The following PKD1L3 variants were observed in gnomAD, a reference collection of about 807,000 sequenced individuals.
The protein encoded by PKD1L3 is polycystin 1 like 3, transient receptor potential channel interacting.
Under a neutral mutation model 184.1 loss-of-function variants are expected in PKD1L3, and 239 were observed. The ratio of observed to expected loss-of-function variants is 1.30; its 90% CI spans 1.17 to 1.45. PKD1L3 has a LOEUF of 1.45. PKD1L3 is among the 40% of genes most tolerant of loss of function. The probability of loss-of-function intolerance (pLI) is 0.00; values close to 1 mark genes in which losing one functional copy is unlikely to be tolerated. For synonymous variants in PKD1L3, 996 were observed against 778.8 expected, an observed-to-expected ratio of 1.28 and a Z score of -4.64; for missense variants, 2,660 against 2,067.2, an observed-to-expected ratio of 1.29 and a Z score of -5.56.
At chr16:71,999,257 C>T (rs1257108871) in intron 1 of PKD1L3, among the ~76,000 whole-genome samples, 25 of 138,940 alleles carry the variant, frequency 1.8e-4, no homozygotes, top group Admixed American at 3.3e-4. Flanking sequence ...GGCGACAGAG[C>T]GAGACTCCAT....
chr16:71,999,227 C>T (rs1018507386), intron 1 of PKD1L3, among the ~76,000 whole-genome samples: 19 of 147,518 alleles, frequency 1.3e-4, no homozygotes, highest in Non-Finnish European at 2.5e-4. Context: ...GCCAAGATGG[C>T]ACCACTGCAC....
At chr16:71,978,415 T>A (rs754915642) in intron 9 of PKD1L3, 32 bp from the exon 10 acceptor site, 1 of 1,531,406 alleles carries the variant, frequency 6.5e-7, no homozygotes. Flanking sequence ...GTTTTATCCA[T>A]TGCTGAAATA....
At position 71,949,820 on chromosome 16, in the gene PKD1L3, G is replaced by C. The variant is rs771372866; in HGVS notation, c.3581C>G (p.Ser1194Ter). ...ATSWMISIILSVLQNIFISQP... is the reference protein window; with the variant it reads ...ATSWMISIIL ...GCTGATGAAGATGTTCTGAAGCACT[G>C]ATAAAATAATTGAAATCATCCAGCT... is the stretch of plus-strand genomic sequence containing the variant. Residue 1194 changes from serine (S) to a stop codon, truncating the protein, a stop_gained, in exon 21 of 30, where the codon TCA becomes TGA. Transcript: ENST00000620267. LOFTEE classifies it high-confidence loss of function. 6 of 1,551,134 alleles carry C rather than the reference G, an allele frequency of 3.9e-6. No homozygotes were observed. In the South Asian group the frequency reaches 7.1e-5, roughly 18 times the overall value.
Position 71,967,328 on chromosome 16 carries a change from AG to A in PKD1L3, c.2287-14del, listed in dbSNP as rs776797244. 7.1e-5 allele frequency: 110 copies of A among 1,542,118 alleles called. No homozygotes were observed. The highest frequency in any genetic ancestry group is 8.9e-5 in the Non-Finnish European group (102 of 1,143,246). ...GGGTGATGACAACCTACAATGAGAC[AG>A]GGAAAGATAAAATATAAGGAATTTT... On this transcript the variant is annotated splice_polypyrimidine_tract_variant and intron_variant, in intron 14 of 29. Coordinates refer to ENST00000620267, the MANE Select transcript of PKD1L3 (RefSeq NM_181536.2).
intron 16 of PKD1L3, among the ~76,000 whole-genome samples, chr16:71,961,693 C>A (rs769730635): frequency 1.1e-4 from 17 of 152,078 alleles, no homozygotes; most frequent in Non-Finnish European, 2.2e-4. Context: ...ACAGACCCAG[C>A]CAGGATGAAA....
chr16:71,944,221 GTCAC>G, intron 22 of PKD1L3, 51 bp from the exon 23 acceptor site: 1 of 1,472,716 alleles, frequency 6.8e-7, no homozygotes. Flanking sequence ...TCATTAAGCA[GTCAC>G]TCACCATTCA....
intron 7 of PKD1L3, 111 bp from the exon 8 acceptor site, chr16:71,980,245 G>T: frequency 7.4e-7 from 1 of 1,346,766 alleles, no homozygotes; most frequent in Non-Finnish European, 1.0e-6. Flanking sequence ...TTGTAATGAA[G>T]GGTAGTATTC....
chr16:71,982,084 A>G lies in PKD1L3; in HGVS notation c.1118T>C (p.Leu373Pro). The G allele has an allele frequency of 6.5e-7, 1 of 1,549,868 alleles. No homozygotes were observed. The highest frequency in any genetic ancestry group is 1.7e-4 in the Middle Eastern group (1 of 5,976). The change falls in exon 7 of 30, where the codon CTG becomes CCG. Residue 373 changes from leucine to proline, a missense_variant. Leu to Pro is a moderately conservative substitution (Grantham distance 98). Transcript: ENST00000620267. ...NVTKAGEGSW[L>P]ESKRHTEPVE... is the part of the protein sequence containing the mutation. ...CGGCTCAGTATGACGCTTGGATTCC[A>G]GCCAACTTCCTTCTCCAGCTTTGGT... is the stretch of plus-strand genomic sequence containing the variant.
rs560835987 is a variant in PKD1L3 at position 71,970,074 on chromosome 16, T to G, written c.1985A>C (p.Gln662Pro). ...GAAGGTCAGGTGGTTACAGAGACAC[T>G]GTGTCCTCAGAATTGTGCTCTGTGG... The part of the protein sequence containing the change: ...VGPQSTILRT[Q>P]CLCNHLTFFA... Residue 662 changes from glutamine to proline, a missense_variant, in exon 13 of 30, where the codon CAG becomes CCG. Transcript: ENST00000620267. The G allele has an allele frequency of 1.9e-6, 3 of 1,551,720 alleles. No homozygotes were observed. In the East Asian group the frequency reaches 7.3e-5, roughly 38 times the overall value.
chr16:71,985,458 C>G (rs1237271070), intron 5 of PKD1L3, among the ~76,000 whole-genome samples: 1 of 152,036 alleles, frequency 6.6e-6, no homozygotes, highest in Non-Finnish European at 1.5e-5. Flanking sequence ...GTTCTGTTGC[C>G]CAGCCTACAG....
intron 12 of PKD1L3, 31 bp downstream of exon 12, chr16:71,973,293 G>A (rs369442711): frequency 2.6e-6 from 4 of 1,546,062 alleles, no homozygotes; most frequent in East Asian, 4.9e-5. Context: ...TATGGCAGAA[G>A]AGAGGCCCAA....
chr16:71,944,694 G>GTTT (rs1274386722), intron 22 of PKD1L3, among the ~76,000 whole-genome samples: 18 of 76,104 alleles, frequency 2.4e-4, no homozygotes, highest in Non-Finnish European at 3.1e-4. Context: ...GACCATATCT[G>GTTT]TTTTTTGTTT....
intron 25 of PKD1L3, among the ~76,000 whole-genome samples, chr16:71,936,580 C>T (rs1385937054): frequency 6.6e-5 from 9 of 136,498 alleles, no homozygotes; most frequent in East Asian, 2.1e-4. Context: ...AGTGCAAGGG[C>T]GCGATCTCGG....
chr16:71,973,336 G>A lies in PKD1L3; in HGVS notation c.1941C>T (p.Ser647=), dbSNP rs1355855659. Residue 647 remains serine (S), a synonymous_variant, in exon 12 of 30, where the codon AGC becomes AGT. Transcript: ENST00000620267. ...CTCAGTTTCTTACTTGGCATCCGGC[G>A]CTGCTCCATGTCTGGTTGTGGATCT... ...YWEIHNQTWS[S]AGCQVGPQST... is the part of the protein sequence containing the mutation. The A allele has an allele frequency of 4.5e-6, 7 of 1,551,588 alleles. No individual in the cohort carries two copies. Among genetic ancestry groups the A allele is most frequent in the East Asian group, 4.9e-5 (2 of 40,912 alleles).
chr16:71,993,142 T>C (rs1310475673), intron 3 of PKD1L3, 74 bp downstream of exon 3: 13 of 1,056,686 alleles, frequency 1.2e-5, no homozygotes, highest in Non-Finnish European at 1.8e-5. Flanking sequence ...TCAGCATTAA[T>C]TCAGTCTTGT....
intron 21 of PKD1L3, among the ~76,000 whole-genome samples, chr16:71,948,114 T>C (rs186501286): frequency 5.3e-5 from 8 of 152,034 alleles, no homozygotes. Flanking sequence ...CAGAGTCTTG[T>C]TCTGTTGCCC....
At chr16:71,937,767 C>G (rs1365168845) in intron 24 of PKD1L3, among the ~76,000 whole-genome samples, 1 of 152,124 alleles carries the variant, frequency 6.6e-6, no homozygotes, top group African/African-American at 2.4e-5. Flanking sequence ...CCCACGAGTA[C>G]TAACGGTATC....
rs202205397 is a variant in PKD1L3 at position 71,968,007 on chromosome 16, C to A, written c.2185G>T (p.Val729Leu). The A allele has an allele frequency of 5.2e-5, 80 of 1,550,544 alleles. 2 individuals are homozygous for A. Among genetic ancestry groups the A allele is most frequent in the Non-Finnish European group, 6.8e-5 (78 of 1,146,164 alleles). The change falls in exon 14 of 30, where the codon GTG becomes TTG. Residue 729 changes from valine (V) to leucine (L), a missense_variant and splice_region_variant. By Grantham distance (32) the Val-to-Leu change is conservative (BLOSUM62 1). Coordinates refer to ENST00000620267, the MANE Select transcript of PKD1L3 (RefSeq NM_181536.2). Reference sequence around the variant, plus strand: ...TTATCAGCCAGGACAGTGACCTTCACCTGCAAGAAAAGCAGAACCATGCAA... The same window carrying A: ...TTATCAGCCAGGACAGTGACCTTCAACTGCAAGAAAAGCAGAACCATGCAA... ...RKKDQADMQKVKVTVLADNDP... is the reference protein window; with the variant it reads ...RKKDQADMQKLKVTVLADNDP...
chr16:71,988,415 G>A (rs1247434520), intron 4 of PKD1L3, among the ~76,000 whole-genome samples: 1 of 152,156 alleles, frequency 6.6e-6, no homozygotes, highest in Non-Finnish European at 1.5e-5. Context: ...GGCTGGCCTC[G>A]AAATCCTGGC....
Sources: gnomAD v4.1 joint callset for allele counts (sites outside exome capture counted in the v4.1 genomes callset) on GRCh38, gnomAD v4.1.1 for gene constraint, MANE v1.5 for transcripts, NCBI Gene and HGNC (gene_info 2026-07-23, HGNC 2026-07-21) for gene names.